FAF1: variants seen among roughly 807,000 people sequenced by gnomAD.
FAF1 encodes FAS-associated factor 1.
FAF1 carries 25 observed loss-of-function variants against 92.5 expected under a neutral mutation model. That is an observed-to-expected ratio of 0.27 (90% confidence interval 0.20 to 0.38). The LOEUF (loss-of-function observed/expected upper bound fraction) is 0.38. Ranked by LOEUF, FAF1 falls within the 10% of genes least tolerant of loss-of-function variation. The pLI is 1.00. For synonymous variants in FAF1, 234 were observed against 273.2 expected, an observed-to-expected ratio of 0.86 and a Z score of 1.42; for missense variants, 636 against 793.3, an observed-to-expected ratio of 0.80 and a Z score of 2.38.
intron 13 of FAF1, 115 bp from the exon 14 acceptor site, chr1:50,539,843 A>C: frequency 1.5e-6 from 1 of 682,184 alleles, no homozygotes; most frequent in Non-Finnish European, 2.5e-6. Context: ...AGCCTGCCTG[A>C]TATCAATATG....
At chr1:50,627,973 G>A (rs1653588090) in intron 8 of FAF1, among the ~76,000 whole-genome samples, 2 of 152,150 alleles carry the variant, frequency 1.3e-5, no homozygotes, top group South Asian at 2.1e-4. Context: ...AATGGCATGA[G>A]TTGACGAATA....
intron 8 of FAF1, among the ~76,000 whole-genome samples, chr1:50,606,624 C>T (rs1395835908): frequency 1.3e-5 from 2 of 151,378 alleles, no homozygotes; most frequent in Non-Finnish European, 2.9e-5. Context: ...TTCAGCCTCC[C>T]GAGTAGCTGG....
chr1:50,477,918 G>A (rs1274159659), intron 17 of FAF1, among the ~76,000 whole-genome samples: 1 of 152,142 alleles, frequency 6.6e-6, no homozygotes, highest in Non-Finnish European at 1.5e-5. Flanking sequence ...GCACGTACTA[G>A]GTGTTCAATA....
intron 12 of FAF1, among the ~76,000 whole-genome samples, chr1:50,577,575 TTCTAAGGTAGTTGAAGGTACC>T (rs1650810990): frequency 6.6e-6 from 1 of 152,178 alleles, no homozygotes; most frequent in East Asian, 1.9e-4. Context: ...TCCCCTGAAC[TTCTAAGGTAGTTGAAGGTACC>T]TCTTCTCTTT....
intron 1 of FAF1, among the ~76,000 whole-genome samples, chr1:50,956,710 A>G (rs912896095): frequency 1.3e-5 from 2 of 152,200 alleles, no homozygotes; most frequent in African/African-American, 4.8e-5. Context: ...GCACTTTGGG[A>G]GGCCAAGGCA....
intron 1 of FAF1, among the ~76,000 whole-genome samples, chr1:50,896,210 G>A (rs990419820): frequency 5.3e-5 from 8 of 152,130 alleles, no homozygotes; most frequent in African/African-American, 1.2e-4. Context: ...ACCTGAGCCC[G>A]GGAGGTTGAG....
chr1:50,448,109 G>A (rs2148977300), intron 18 of FAF1, among the ~76,000 whole-genome samples: 1 of 152,298 alleles, frequency 6.6e-6, no homozygotes, highest in Non-Finnish European at 1.5e-5. Context: ...GCTTACTTGT[G>A]CACTAGTTCC....
At chr1:50,558,772 T>A (rs909368855) in intron 13 of FAF1, among the ~76,000 whole-genome samples, 1 of 152,214 alleles carries the variant, frequency 6.6e-6, no homozygotes, top group African/African-American at 2.4e-5. Flanking sequence ...TAGCATTAAT[T>A]AGATTAGTGC....
rs1199444504 is a variant in FAF1, at chr1:50,519,399, G to A, written c.1494+15970C>T. On this transcript the variant is annotated intron_variant, in intron 15 of 18. Transcript: ENST00000396153. ...GGGAGGGAGGGAGGGAGGGAGGGAAGGAGGGAGGGAGGGAGAGAAGGAAGG... is the reference window on the plus strand; with the variant it reads ...GGGAGGGAGGGAGGGAGGGAGGGAAAGAGGGAGGGAGGGAGAGAAGGAAGG... 1.6e-5 allele frequency among the ~76,000 whole-genome samples: 2 copies of A among 124,660 alleles called. 1 individual carries two copies. The highest frequency in any genetic ancestry group is 6.7e-5 in the African/African-American group (2 of 29,714). 81.8% of individuals were successfully genotyped at this position (124,660 alleles called of 152,430 possible).
intron 8 of FAF1, among the ~76,000 whole-genome samples, chr1:50,617,529 G>A (rs529884859): frequency 1.3e-5 from 2 of 152,152 alleles, no homozygotes; most frequent in African/African-American, 4.8e-5. Flanking sequence ...AGTTTTTGAG[G>A]TGCTTCCGGA....
At chr1:50,775,542 T>A (rs1416964081) in intron 4 of FAF1, among the ~76,000 whole-genome samples, 1 of 151,924 alleles carries the variant, frequency 6.6e-6, no homozygotes, top group African/African-American at 2.4e-5. Context: ...GTGTAGGAGT[T>A]TTCTGGAAAG....
chr1:50,457,724 C>CAAAAAAAAAAA lies in FAF1; in HGVS notation c.1870-16212_1870-16202dup, dbSNP rs35479561. Among the ~76,000 whole-genome samples, 383 of 56,480 alleles carry CAAAAAAAAAAA rather than the reference C, an allele frequency of 6.8e-3. 18 individuals carry two copies. Among genetic ancestry groups the CAAAAAAAAAAA allele is most frequent in the African/African-American group, 0.028 (289 of 10,406 alleles). 37.1% of individuals were successfully genotyped at this position (56,480 alleles called of 152,430 possible). ...GCAATTCGGTGAAACCCCATCTCTG[C>CAAAAAAAAAAA]AAAAAAAAAAAAAAAAAAAAAATAC... is the stretch of plus-strand genomic sequence containing the variant. On this transcript the variant is annotated intron_variant, in intron 18 of 18. Transcript: ENST00000396153.
intron 13 of FAF1, among the ~76,000 whole-genome samples, chr1:50,540,404 C>T (rs1263212499): frequency 8.5e-5 from 13 of 152,108 alleles, no homozygotes; most frequent in Admixed American, 8.5e-4. Context: ...CTAGCATCAT[C>T]CTAAAAAACA....
At chr1:50,737,748 G>A (rs1557501791) in intron 6 of FAF1, among the ~76,000 whole-genome samples, 1 of 152,086 alleles carries the variant, frequency 6.6e-6, no homozygotes, top group Non-Finnish European at 1.5e-5. Flanking sequence ...CTTCAGTGAA[G>A]CCAAATTTAA....
chr1:50,831,911 G>A (rs113893923), intron 2 of FAF1, among the ~76,000 whole-genome samples: 4,545 of 151,548 alleles, frequency 0.03, 216 homozygotes, highest in African/African-American at 0.11. Flanking sequence ...TCCGCCTCTC[G>A]TCAGATGAGC....
chr1:50,646,439 C>T (rs1232415485), intron 8 of FAF1, among the ~76,000 whole-genome samples: 3 of 152,106 alleles, frequency 2.0e-5, no homozygotes, highest in Non-Finnish European at 4.4e-5. Context: ...TTGTTTATTG[C>T]CATAGATGTC....
intron 1 of FAF1, among the ~76,000 whole-genome samples, chr1:50,867,868 A>C (rs1293161074): frequency 1.3e-5 from 2 of 152,068 alleles, no homozygotes; most frequent in Admixed American, 6.6e-5. Context: ...TATGAAAAAG[A>C]CTCTTGCACA....
At chr1:50,739,242 A>G (rs1025028512) in intron 5 of FAF1, among the ~76,000 whole-genome samples, 1 of 151,638 alleles carries the variant, frequency 6.6e-6, no homozygotes. Flanking sequence ...ATACATATAT[A>G]TGTGTGTCTA....
intron 15 of FAF1, among the ~76,000 whole-genome samples, chr1:50,514,204 T>G (rs1007210726): frequency 1.8e-4 from 28 of 152,252 alleles, no homozygotes; most frequent in African/African-American, 6.8e-4. Flanking sequence ...TTTATATGTC[T>G]ATTTCTCTTT....
Sources: gnomAD v4.1 joint callset for allele counts (sites outside exome capture counted in the v4.1 genomes callset) on GRCh38, gnomAD v4.1.1 for gene constraint, MANE v1.5 for transcripts, NCBI Gene and HGNC (gene_info 2026-07-23, HGNC 2026-07-21) for gene names.